ARHGEF4: variants seen among roughly 807,000 people sequenced by gnomAD.
The protein encoded by ARHGEF4 is APC-stimulated guanine nucleotide exchange factor 1.
Under a neutral mutation model 162.0 loss-of-function variants are expected in ARHGEF4, and 119 were observed. The ratio of observed to expected loss-of-function variants is 0.73; its 90% CI spans 0.63 to 0.86. The LOEUF is 0.86. ARHGEF4 is among the 40% of genes least tolerant of loss of function. The pLI, the probability that ARHGEF4 is intolerant of heterozygous loss-of-function variation, is 0.00. For synonymous variants in ARHGEF4, 1,014 were observed against 979.9 expected, an observed-to-expected ratio of 1.03 and a Z score of -0.65; for missense variants, 2,488 against 2,456.0, an observed-to-expected ratio of 1.01 and a Z score of -0.28.
rs1381166808 is a variant in ARHGEF4 at position 130,911,434 on chromosome 2, G to A, written c.40-2552G>A. The stretch of plus-strand genomic sequence containing the variant: ...TGTTTGGTCTAGATTCCAGCCCCAG[G>A]CCATTCCCAGGACATAACCCTGGAC... On this transcript the variant is annotated intron_variant, in intron 1 of 13. Coordinates refer to ENST00000409359, the MANE Select transcript of ARHGEF4 (RefSeq NM_001367493.1). Among the ~76,000 whole-genome samples the A allele has an allele frequency of 2.0e-5, 3 of 152,150 alleles. No homozygotes were observed. The East Asian group carries it at 5.8e-4, about 29-fold the overall frequency.
chr2:131,039,842 C>T (rs1284729168), intron 6 of ARHGEF4, 174 bp from the exon 7 acceptor site: 4 of 1,412,174 alleles, frequency 2.8e-6, no homozygotes, highest in East Asian at 5.4e-5. Context: ...CGTCATTCCT[C>T]GGTCCAGGAC....
intron 1 of ARHGEF4, among the ~76,000 whole-genome samples, chr2:130,837,295 C>A (rs1471364070): frequency 6.6e-6 from 1 of 152,104 alleles, no homozygotes; most frequent in Non-Finnish European, 1.5e-5. Flanking sequence ...CTCCCCGCAC[C>A]TGGACCGTCC....
At chr2:130,865,120 T>TA (rs1437475250) in intron 1 of ARHGEF4, among the ~76,000 whole-genome samples, 1 of 152,210 alleles carries the variant, frequency 6.6e-6, no homozygotes, top group African/African-American at 2.4e-5. Flanking sequence ...CAACCACAGT[T>TA]CAAAATTTTA....
intron 4 of ARHGEF4, among the ~76,000 whole-genome samples, chr2:131,027,298 C>T (rs533886093): frequency 4.0e-4 from 61 of 152,294 alleles, no homozygotes; most frequent in African/African-American, 1.4e-3. Flanking sequence ...TTGCTGGATC[C>T]CTTTAGACAA....
rs1246928467 is a variant in ARHGEF4, at chr2:131,047,027, G to GA, written c.*839dup. ...CTCGTGAGCGTGAGAAGCCATAAGA[G>GA]AGAGACCGAATTCTGTGGCTCAGCA... is the stretch of plus-strand genomic sequence containing the variant. On this transcript the variant is annotated 3_prime_UTR_variant, in exon 14 of 14. Coordinates refer to ENST00000409359, the MANE Select transcript of ARHGEF4 (RefSeq NM_001367493.1). The GA allele has an allele frequency of 1.3e-5, 2 of 152,668 alleles. No individual in the cohort carries two copies. Among genetic ancestry groups the GA allele is most frequent in the Non-Finnish European group, 2.9e-5 (2 of 68,032 alleles). The allele number at this position is 152,668 out of a possible 1,614,324, so 9.5% of individuals were successfully genotyped here. A position where few individuals can be genotyped will look rare whatever the true frequency, so the allele number is the denominator to read the frequency against.
At chr2:130,881,693 G>A (rs892751951) in intron 1 of ARHGEF4, among the ~76,000 whole-genome samples, 2 of 152,072 alleles carry the variant, frequency 1.3e-5, no homozygotes, top group Admixed American at 6.5e-5. Flanking sequence ...AGGAGGGAGC[G>A]CTCACTGTGG....
intron 4 of ARHGEF4, among the ~76,000 whole-genome samples, chr2:131,021,447 A>T (rs554167113): frequency 2.1e-3 from 315 of 152,292 alleles, no homozygotes; most frequent in Middle Eastern, 6.8e-3. Flanking sequence ...CTGAAACTGG[A>T]TCCCTTCCTT....
At chr2:130,872,488 T>C (rs1317326457) in intron 1 of ARHGEF4, among the ~76,000 whole-genome samples, 1 of 152,096 alleles carries the variant, frequency 6.6e-6, no homozygotes, top group African/African-American at 2.4e-5. Flanking sequence ...GGACTTAGGT[T>C]CCTGCCATCC....
chr2:131,017,583 G>A (rs1688849070), intron 4 of ARHGEF4, among the ~76,000 whole-genome samples: 1 of 152,198 alleles, frequency 6.6e-6, no homozygotes, highest in African/African-American at 2.4e-5. Flanking sequence ...AAGAAAAGTA[G>A]TGACTCCTAC....
At chr2:131,041,551 C>A in intron 9 of ARHGEF4, 89 bp downstream of exon 9, 1 of 1,364,984 alleles carries the variant, frequency 7.3e-7, no homozygotes, top group Non-Finnish European at 1.0e-6. Flanking sequence ...CTGGGCACTG[C>A]TGCAGCCCTG....
chr2:130,948,033 G>T (rs1439554000), intron 4 of ARHGEF4, among the ~76,000 whole-genome samples: 1 of 152,244 alleles, frequency 6.6e-6, no homozygotes, highest in Non-Finnish European at 1.5e-5. Context: ...TGGCAGTGGA[G>T]GCTGTTGGTA....
intron 4 of ARHGEF4, among the ~76,000 whole-genome samples, chr2:131,013,651 A>C (rs1371615906): frequency 6.6e-6 from 1 of 152,212 alleles, no homozygotes; most frequent in Admixed American, 6.5e-5. Flanking sequence ...CCCAGACTGG[A>C]GTGCAGTGGT....
At chr2:130,886,458 TC>T (rs1297228942) in intron 1 of ARHGEF4, among the ~76,000 whole-genome samples, 1 of 151,854 alleles carries the variant, frequency 6.6e-6, no homozygotes, top group Non-Finnish European at 1.5e-5. Flanking sequence ...GGTGGGCGGA[TC>T]ATGAGGTCAG....
intron 4 of ARHGEF4, among the ~76,000 whole-genome samples, chr2:130,947,902 G>A (rs982246166): frequency 3.9e-5 from 6 of 152,216 alleles, no homozygotes; most frequent in Non-Finnish European, 8.8e-5. Flanking sequence ...ATGGCTGCTG[G>A]AGGGAGGGGC....
In ARHGEF4 at chr2:130,914,756, G is replaced by T; in HGVS notation, c.810G>T (p.Lys270Asn). Residue 270 changes from lysine (K) to asparagine (N), a missense_variant, in exon 2 of 14, where the codon AAG (lysine) becomes AAT (asparagine). Lys to Asn is a moderately conservative substitution (Grantham distance 94). Coordinates refer to ENST00000409359, the MANE Select transcript of ARHGEF4 (RefSeq NM_001367493.1). The stretch of plus-strand genomic sequence containing the variant: ...CAGCCCCTCTGGGGACCAGGACAAA[G>T]AAGGAAAGTACTCTAGGCCCTGCAG... Reference protein sequence around the residue: ...DNTAPLGTRTKKESTLGPAGD... With the variant: ...DNTAPLGTRTNKESTLGPAGD... 1 of 1,426,290 alleles carries T rather than the reference G, an allele frequency of 7.0e-7. No individual in the cohort carries two copies. The highest frequency in any genetic ancestry group is 9.1e-7 in the Non-Finnish European group (1 of 1,095,856). The allele number at this position is 1,426,290 out of a possible 1,614,324, so 88.4% of individuals were successfully genotyped here. A position where few individuals can be genotyped will look rare whatever the true frequency, so the allele number is the denominator to read the frequency against.
In ARHGEF4 at chr2:131,041,887, G is replaced by A. The variant is rs986166967; in HGVS notation, c.4968G>A (p.Arg1656=). 1 of 1,613,670 alleles carries A rather than the reference G, an allele frequency of 6.2e-7. No homozygotes were observed. The highest frequency in any genetic ancestry group is 1.1e-5 in the South Asian group (1 of 91,086). Residue 1656 remains arginine (R), a synonymous_variant, in exon 10 of 14, where the codon CGG becomes CGA. Transcript: ENST00000409359. ...NVAQLINERK[R]RLENIDKIAQ... ...CCCAGCTCATCAACGAGCGGAAGCGGAGACTTGAGAACATCGACAAGATTG... is the reference window on the plus strand; with the variant it reads ...CCCAGCTCATCAACGAGCGGAAGCGAAGACTTGAGAACATCGACAAGATTG...
intron 4 of ARHGEF4, among the ~76,000 whole-genome samples, chr2:131,010,591 A>G (rs1472542642): frequency 6.6e-6 from 1 of 152,230 alleles, no homozygotes; most frequent in Non-Finnish European, 1.5e-5. Flanking sequence ...GTGCTTCTGT[A>G]TCAGCCACTT....
In ARHGEF4 at chr2:130,914,936, C is replaced by T. The variant is rs1681393422; in HGVS notation, c.990C>T (p.His330=). The change falls in exon 2 of 14, where the codon CAC becomes CAT. Residue 330 remains histidine, a synonymous_variant. Coordinates refer to ENST00000409359, the MANE Select transcript of ARHGEF4 (RefSeq NM_001367493.1). ...NRASPRLNCG[H]MRALVRAHSI... ...CATCCCCCAGACTCAACTGTGGGCA[C>T]ATGAGGGCACTGGTCAGGGCCCATT... 2 of 1,543,064 alleles carry T rather than the reference C, an allele frequency of 1.3e-6. No individual in the cohort carries two copies. The highest frequency in any genetic ancestry group is 1.4e-5 in the African/African-American group (1 of 72,940).
rs759041974 is a variant in ARHGEF4, at chr2:131,046,056, A to G, written c.5498A>G (p.Tyr1833Cys). 1.9e-6 allele frequency: 3 copies of G among 1,611,756 alleles called. No individual in the cohort carries two copies. The highest frequency in any genetic ancestry group is 2.5e-6 in the Non-Finnish European group (3 of 1,179,130). ...GKPKAVGRPC[Y>C]LTRQKHPALP... ...TGTTCAGCTGTTGGCCGGCCCTGCT[A>G]CCTGACGCGCCAGAAGCACCCAGCC... Residue 1833 changes from tyrosine to cysteine, a missense_variant, in exon 14 of 14, where the codon TAC becomes TGC. By Grantham distance (194) the Tyr-to-Cys change is radical. Around this residue, in one of 6 missense-constraint regions of ARHGEF4, gnomAD observed 415 missense variants for 512.4 expected, o/e 0.81. Transcript: ENST00000409359.
Sources: gnomAD v4.1 joint callset for allele counts (sites outside exome capture counted in the v4.1 genomes callset) on GRCh38, gnomAD v4.1.1 for gene constraint, gnomAD v4.1.1 regional missense constraint, MANE v1.5 for transcripts, NCBI Gene and HGNC (gene_info 2026-07-23, HGNC 2026-07-21) for gene names.